SLC24A2: variants seen among roughly 807,000 people sequenced by gnomAD.
SLC24A2 encodes sodium/potassium/calcium exchanger 2.
SLC24A2 carries 36 observed loss-of-function variants against 62.0 expected under a neutral mutation model. The observed-to-expected ratio is 0.58, with a 90% confidence interval of 0.44 to 0.77. The LOEUF (loss-of-function observed/expected upper bound fraction) is 0.77, where lower values mean the gene tolerates loss of function less well. Ranked by LOEUF, SLC24A2 falls within the 30% of genes least tolerant of loss-of-function variation. The probability of loss-of-function intolerance (pLI) is 0.00; values close to 1 mark genes in which losing one functional copy is unlikely to be tolerated. For synonymous variants in SLC24A2, 358 were observed against 294.0 expected (o/e 1.22, Z -2.23); for missense variants, 846 against 817.9 (o/e 1.03, Z -0.42).
intron 2 of SLC24A2, among the ~76,000 whole-genome samples, chr9:19,738,170 A>T (rs1821565690): frequency 6.6e-6 from 1 of 152,194 alleles, no homozygotes; most frequent in Non-Finnish European, 1.5e-5. Context: ...AAATTTGTCA[A>T]GTTAATTTGT....
intron 2 of SLC24A2, among the ~76,000 whole-genome samples, chr9:19,709,449 T>G (rs1023188594): frequency 3.9e-5 from 6 of 152,088 alleles, no homozygotes; most frequent in African/African-American, 9.7e-5. Flanking sequence ...TAAAGACACA[T>G]GCACACGTAT....
At chr9:19,810,006 G>A in the SLC24A2 span, among the ~76,000 whole-genome samples, 1 of 152,306 alleles carries the variant, frequency 6.6e-6, no homozygotes, top group Non-Finnish European at 1.5e-5. Context: ...ACTTCACAAT[G>A]AAGAGTCTGT....
chr9:19,689,429 G>A (rs570812975), intron 2 of SLC24A2, among the ~76,000 whole-genome samples: 1 of 152,268 alleles, frequency 6.6e-6, no homozygotes, highest in South Asian at 2.1e-4. Context: ...GCTGCTGAAA[G>A]CATTTTGGAT....
chr9:19,782,561 T>C (rs1328007506), intron 2 of SLC24A2, among the ~76,000 whole-genome samples: 2 of 152,236 alleles, frequency 1.3e-5, no homozygotes, highest in Non-Finnish European at 2.9e-5. Flanking sequence ...AAATATTATA[T>C]AACCCTAAGG....
At chr9:19,589,929 A>G (rs1836499853) in intron 5 of SLC24A2, among the ~76,000 whole-genome samples, 1 of 152,178 alleles carries the variant, frequency 6.6e-6, no homozygotes, top group African/African-American at 2.4e-5. Context: ...TGGCTTCTCT[A>G]GACAAAGAGA....
the SLC24A2 span, among the ~76,000 whole-genome samples, chr9:20,261,788 G>A: frequency 2.6e-5 from 3 of 115,600 alleles, no homozygotes; most frequent in African/African-American, 7.0e-5. Context: ...CACTCAGACT[G>A]GAGTGCAGTG....
intron 2 of SLC24A2, among the ~76,000 whole-genome samples, chr9:19,636,417 TTCC>T (rs879628061): frequency 0.064 from 3,900 of 60,932 alleles, 680 homozygotes; most frequent in African/African-American, 0.1. Context: ...CTTTCTTTCT[TTCC>T]TCTTCTCTTC....
At chr9:19,650,987 T>C (rs113154488) in intron 2 of SLC24A2, among the ~76,000 whole-genome samples, 2 of 152,170 alleles carry the variant, frequency 1.3e-5, no homozygotes, top group African/African-American at 4.8e-5. Context: ...CAACTTGTAT[T>C]GATAAGACAT....
chr9:20,288,940 C>G, the SLC24A2 span, among the ~76,000 whole-genome samples: 2 of 152,052 alleles, frequency 1.3e-5, no homozygotes, highest in African/African-American at 4.8e-5. Flanking sequence ...CAGAGAATGT[C>G]TCAACTGACA....
At chr9:20,306,588 G>C in the SLC24A2 span, among the ~76,000 whole-genome samples, 23 of 152,246 alleles carry the variant, frequency 1.5e-4, no homozygotes, top group Admixed American at 1.5e-3. Context: ...CAGAGCCAGG[G>C]AGGTGGCACA....
intron 2 of SLC24A2, among the ~76,000 whole-genome samples, chr9:19,770,855 G>T (rs78011057): frequency 4.6e-5 from 7 of 152,078 alleles, no homozygotes; most frequent in African/African-American, 1.7e-4. Context: ...ATTTTTTTAA[G>T]ATGGTAAAAA....
chr9:20,209,931 C>T, the SLC24A2 span, among the ~76,000 whole-genome samples: 1 of 152,186 alleles, frequency 6.6e-6, no homozygotes, highest in Non-Finnish European at 1.5e-5. Flanking sequence ...TGACCTTGAT[C>T]ATAAGGCCTT....
the SLC24A2 span, among the ~76,000 whole-genome samples, chr9:20,116,466 C>T: frequency 6.6e-6 from 1 of 152,102 alleles, no homozygotes; most frequent in South Asian, 2.1e-4. Flanking sequence ...TCACATCATC[C>T]ATCATAACAA....
At chr9:20,111,429 C>A in the SLC24A2 span, among the ~76,000 whole-genome samples, 2 of 152,082 alleles carry the variant, frequency 1.3e-5, no homozygotes, top group Admixed American at 1.3e-4. Context: ...GGCACTGCAC[C>A]GTCTCTTATT....
At chr9:19,580,755 G>A (rs1836180241) in intron 5 of SLC24A2, among the ~76,000 whole-genome samples, 2 of 152,100 alleles carry the variant, frequency 1.3e-5, no homozygotes, top group African/African-American at 4.8e-5. Context: ...GGCGATTTGT[G>A]GTGAGTTTCT....
At chr9:20,278,167 T>A in the SLC24A2 span, among the ~76,000 whole-genome samples, 2 of 152,106 alleles carry the variant, frequency 1.3e-5, no homozygotes, top group Admixed American at 6.5e-5. Context: ...CACACCAACA[T>A]GGCACATGTA....
At chr9:19,950,838 T>G in the SLC24A2 span, among the ~76,000 whole-genome samples, 1 of 151,928 alleles carries the variant, frequency 6.6e-6, no homozygotes, top group Non-Finnish European at 1.5e-5. Context: ...CAAAAGGAAG[T>G]GAAAAATAGA....
intron 10 of SLC24A2, among the ~76,000 whole-genome samples, chr9:19,518,828 A>G (rs754282678): frequency 1.1e-4 from 17 of 152,210 alleles, no homozygotes; most frequent in Non-Finnish European, 1.8e-4. Flanking sequence ...TTGCAATGAC[A>G]TCACTCAGTA....
At chr9:20,248,125 T>C in the SLC24A2 span, among the ~76,000 whole-genome samples, 8 of 152,206 alleles carry the variant, frequency 5.3e-5, no homozygotes, top group Non-Finnish European at 8.8e-5. Context: ...GCCTCTGAGA[T>C]ACAGTTTCTG....
Sources: gnomAD v4.1 joint callset for allele counts (sites outside exome capture counted in the v4.1 genomes callset) on GRCh38, gnomAD v4.1.1 for gene constraint, MANE v1.5 for transcripts, NCBI Gene and HGNC (gene_info 2026-07-23, HGNC 2026-07-21) for gene names.